The following EBF3 variants were observed in gnomAD, a reference collection of about 807,000 sequenced individuals.
The protein encoded by EBF3 is EBF transcription factor 3, also known as transcription factor COE3.
In EBF3, 18 loss-of-function variants were observed where a neutral mutation model predicts 77.1. The ratio of observed to expected loss-of-function variants is 0.23; its 90% confidence interval spans 0.16 to 0.35. EBF3 has a LOEUF of 0.35. Ranked by LOEUF, EBF3 falls within the 10% of genes least tolerant of loss-of-function variation. EBF3 has a pLI of 1.00. For missense variants in EBF3, 558 were observed against 860.0 expected, an observed-to-expected ratio of 0.65 and a Z score of 4.39; for synonymous variants, 350 against 343.5, an observed-to-expected ratio of 1.02 and a Z score of -0.21.
chr10:129,909,054 G>A (rs533126396), intron 6 of EBF3, among the ~76,000 whole-genome samples: 2 of 152,308 alleles, frequency 1.3e-5, no homozygotes, highest in East Asian at 3.9e-4. Flanking sequence ...TTCTGAATTA[G>A]AAGTTACTCT....
Position 129,843,199 on chromosome 10 carries a change from C to G in EBF3, c.1132G>C (p.Val378Leu). Residue 378 changes from valine to leucine, a missense_variant, in exon 12 of 17, where the codon GTG becomes CTG. Transcript: ENST00000440978. ...AGGTCCGCCGCCCGCTTCAGTAACA[C>G]CTCCTAAAGGAAGAGCAGACAGGAG... ...PGDPERLPKE[V>L]LLKRAADLVE... 1 of 1,611,676 alleles carries G rather than the reference C, an allele frequency of 6.2e-7. No individual in the cohort carries two copies. Among genetic ancestry groups the G allele is most frequent in the African/African-American group, 1.3e-5 (1 of 75,018 alleles).
At chr10:129,912,853 CCT>C (rs1361187895) in intron 6 of EBF3, among the ~76,000 whole-genome samples, 5 of 152,226 alleles carry the variant, frequency 3.3e-5, no homozygotes, top group Non-Finnish European at 7.3e-5. Context: ...GTCTAATCCC[CCT>C]GAGCCTCAGG....
chr10:129,891,794 G>C (rs1854036433), intron 6 of EBF3, among the ~76,000 whole-genome samples: 1 of 152,198 alleles, frequency 6.6e-6, no homozygotes. Context: ...TGGATAATTG[G>C]AGAGCATAAA....
Position 129,864,021 on chromosome 10 carries a change from A to G in EBF3, c.1039+3120T>C, listed in dbSNP as rs1851822132. On this transcript the variant is annotated intron_variant, in intron 10 of 16. Transcript: ENST00000440978. The surrounding 1 kb of genome is among the most constrained non-coding windows in gnomAD (Gnocchi z 4.4). ...CAGGACCCTGAGCTTGTGCCTGAGA[A>G]GCCCAGTCAGCCCCAGAGTGGGCAC... Among the ~76,000 whole-genome samples, 1 of 152,162 alleles carries G rather than the reference A, an allele frequency of 6.6e-6. No homozygotes were observed. Among genetic ancestry groups the G allele is most frequent in the African/African-American group, 2.4e-5 (1 of 41,440 alleles).
chr10:129,889,520 C>T (rs1853860912), intron 6 of EBF3, among the ~76,000 whole-genome samples: 1 of 152,222 alleles, frequency 6.6e-6, no homozygotes, highest in African/African-American at 2.4e-5. Context: ...CATCCACCTG[C>T]TCCCCAAACT....
Position 129,842,320 on chromosome 10 carries a change from C to T in EBF3, c.1195-27G>A, listed in dbSNP as rs1163417077. ...TGCAGCAGGAGCAAGTGGGAGCCGG[C>T]CTGTCACCCCAGGCCCGGCCCAGCT... is the stretch of plus-strand genomic sequence containing the variant. On this transcript the variant is annotated intron_variant, in intron 12 of 16. Transcript: ENST00000440978. This position sits in a 1 kb window ranked among gnomAD's most constrained non-coding sequence, Gnocchi z 4.4. The T allele has an allele frequency of 6.4e-7, 1 of 1,556,592 alleles. No individual in the cohort carries two copies. Among genetic ancestry groups the T allele is most frequent in the African/African-American group, 1.4e-5 (1 of 73,574 alleles).
At chr10:129,851,426 G>A (rs1850872906) in intron 10 of EBF3, among the ~76,000 whole-genome samples, 1 of 152,206 alleles carries the variant, frequency 6.6e-6, no homozygotes, top group South Asian at 2.1e-4. Flanking sequence ...CCCAGGAATT[G>A]TTTAGCAGCA....
intron 6 of EBF3, among the ~76,000 whole-genome samples, chr10:129,930,402 ATATC>A (rs1361664254): frequency 1.3e-5 from 2 of 149,728 alleles, no homozygotes; most frequent in African/African-American, 5.0e-5. Flanking sequence ...ATACCTGTCT[ATATC>A]TATCTCTATA....
intron 10 of EBF3, among the ~76,000 whole-genome samples, chr10:129,865,196 C>A (rs371277137): frequency 9.0e-4 from 137 of 152,154 alleles, no homozygotes; most frequent in African/African-American, 3.0e-3. Context: ...CAGAAAGGAC[C>A]CCCCAGCCCA....
In EBF3 at chr10:129,842,382, AC is replaced by A. The variant is rs1422183268; in HGVS notation, c.1195-90del. ...CGGGGGCCCACCATGGTGGCATCCC[AC>A]TGTCCCTTGCCCAGACCATGACCAA... On this transcript the variant is annotated intron_variant, in intron 12 of 16. Coordinates refer to ENST00000440978, the MANE Select transcript of EBF3 (RefSeq NM_001375380.1). This position sits in a 1 kb window ranked among gnomAD's most constrained non-coding sequence, Gnocchi z 4.4. 5 of 1,449,274 alleles carry A rather than the reference AC, an allele frequency of 3.5e-6. No homozygotes were observed. In the East Asian group the frequency reaches 1.2e-4, roughly 34 times the overall value. 89.8% of individuals were successfully genotyped at this position (1,449,274 alleles called of 1,614,324 possible).
In EBF3 at chr10:129,962,959, T is replaced by C; in HGVS notation, c.338A>G (p.Gln113Arg). The change falls in exon 3 of 17, where the codon CAG becomes CGG. Residue 113 changes from glutamine to arginine, a missense_variant. Around this residue, in one of 5 missense-constraint regions of EBF3, gnomAD observed 84 missense variants for 142.3 expected, o/e 0.59. Coordinates refer to ENST00000440978, the MANE Select transcript of EBF3 (RefSeq NM_001375380.1). ...GCACTTACCGTTGCTGTACAATAACTGGAGTTTATAGTGGATGCCGTTGTT... is the reference window on the plus strand; with the variant it reads ...GCACTTACCGTTGCTGTACAATAACCGGAGTTTATAGTGGATGCCGTTGTT... ...KTNNGIHYKL[Q>R]LLYSNGVRTE... 1 of 1,614,110 alleles carries C rather than the reference T, an allele frequency of 6.2e-7. No homozygotes were observed. The highest frequency in any genetic ancestry group is 8.5e-7 in the Non-Finnish European group (1 of 1,180,004).
chr10:129,848,538 C>A lies in EBF3; in HGVS notation c.1040-58G>T. ...AATTACTTTTATGTCATCCATTACT[C>A]GTTTATTGCACACTTACAAATAAAT... On this transcript the variant is annotated intron_variant, in intron 10 of 16. Transcript: ENST00000440978. The surrounding 1 kb of genome is among the most constrained non-coding windows in gnomAD (Gnocchi z 4.4). 3 of 1,554,014 alleles carry A rather than the reference C, an allele frequency of 1.9e-6. No individual in the cohort carries two copies. The highest frequency in any genetic ancestry group is 2.7e-6 in the Non-Finnish European group (3 of 1,125,478).
At chr10:129,894,531 G>A (rs1482434057) in intron 6 of EBF3, among the ~76,000 whole-genome samples, 1 of 152,104 alleles carries the variant, frequency 6.6e-6, no homozygotes, top group African/African-American at 2.4e-5. Context: ...TTGCCTCTGG[G>A]CCCCGCCTCT....
chr10:129,849,448 CATT>C (rs1159559131), intron 10 of EBF3, among the ~76,000 whole-genome samples: 6 of 152,208 alleles, frequency 3.9e-5, no homozygotes, highest in East Asian at 3.9e-4. Flanking sequence ...GGCCATCACT[CATT>C]AGTAATTTGA....
intron 6 of EBF3, among the ~76,000 whole-genome samples, chr10:129,896,419 G>A (rs1370102921): frequency 1.3e-5 from 2 of 152,122 alleles, no homozygotes; most frequent in East Asian, 1.9e-4. Flanking sequence ...TCCGCTCCCG[G>A]CCACGCGGCC....
At position 129,963,579 on chromosome 10, in the gene EBF3, G is replaced by A. The variant is rs557051840; in HGVS notation, c.134+56C>T. On this transcript the variant is annotated intron_variant, in intron 1 of 16. Transcript: ENST00000440978. This position sits in a 1 kb window ranked among gnomAD's most constrained non-coding sequence, Gnocchi z 7.1. ...AGGAGCGCGGCGCCGGCCGGCGGAG[G>A]GGGCCGGGCCGGGCCGGGGCCGGGG... The A allele has an allele frequency of 1.6e-6, 2 of 1,233,394 alleles. No individual in the cohort carries two copies. Among genetic ancestry groups the A allele is most frequent in the African/African-American group, 3.2e-5 (2 of 62,210 alleles). The allele number at this position is 1,233,394 out of a possible 1,614,324, so 76.4% of individuals were successfully genotyped here.
chr10:129,955,527 A>G (rs1858972160), intron 6 of EBF3, among the ~76,000 whole-genome samples: 4 of 152,264 alleles, frequency 2.6e-5, no homozygotes, highest in Admixed American at 2.6e-4. Flanking sequence ...TTAACCAAAT[A>G]TAAGACAACA....
At chr10:129,843,110 G>A (rs754404775) in intron 12 of EBF3, 27 bp downstream of exon 12, 1 of 1,606,660 alleles carries the variant, frequency 6.2e-7, no homozygotes, top group Non-Finnish European at 8.5e-7. Flanking sequence ...GGGGGAGGAT[G>A]GGCGAGGGGA....
chr10:129,850,868 C>T (rs1006442316), intron 10 of EBF3, among the ~76,000 whole-genome samples: 3 of 152,260 alleles, frequency 2.0e-5, no homozygotes, highest in East Asian at 1.9e-4. Context: ...AACCCACCAC[C>T]GCCCTGCACC....
Sources: allele counts gnomAD v4.1 joint callset (sites outside exome capture counted in the v4.1 genomes callset), GRCh38; gene constraint gnomAD v4.1.1; regional missense constraint gnomAD v4.1.1; non-coding constraint Gnocchi (gnomAD v3.1); transcripts MANE v1.5; gene names NCBI Gene and HGNC (gene_info 2026-07-23, HGNC 2026-07-21).